C11orf91: variants seen among roughly 807,000 people sequenced by gnomAD.
C11orf91 encodes chromosome 11 open reading frame 91, also known as uncharacterized protein C11orf91.
In C11orf91, 10 loss-of-function variants were observed where a neutral mutation model predicts 14.3. That is an observed-to-expected ratio of 0.70 (90% CI 0.43 to 1.18). C11orf91 has a LOEUF of 1.18. Among genes scored for constraint, C11orf91 ranks in the 50% most tolerant of loss-of-function variants. The pLI, the probability that C11orf91 is intolerant of heterozygous loss-of-function variation, is 0.00. For synonymous variants in C11orf91, 141 were observed against 130.6 expected (o/e 1.08, Z -0.54); for missense variants, 236 against 269.0 (o/e 0.88, Z 0.86).
At chr11:33,702,258 G>C (rs1160579942), upstream of C11orf91, among the ~76,000 whole-genome samples, 1 of 152,158 alleles carries the variant, frequency 6.6e-6, no homozygotes, top group Non-Finnish European at 1.5e-5. Context: ...TTTGAGAACA[G>C]CCAGGGGCAA....
chr11:33,698,774 ATTTTTTTTTTT>A (rs55712821), intron 1 of C11orf91, among the ~76,000 whole-genome samples: 5 of 104,606 alleles, frequency 4.8e-5, no homozygotes, highest in African/African-American at 7.8e-5. Context: ...TCTTCTTCTA[ATTTTTTTTTTT>A]TTTTTTTTTT....
chr11:33,700,364 C>A lies in C11orf91; in HGVS notation c.377G>T (p.Cys126Phe). The A allele has an allele frequency of 6.5e-7, 1 of 1,534,702 alleles. No homozygotes were observed. The highest frequency in any genetic ancestry group is 8.7e-7 in the Non-Finnish European group (1 of 1,146,382). Residue 126 changes from cysteine (C) to phenylalanine (F), a missense_variant, in exon 1 of 2, where the codon TGC becomes TTC. By Grantham distance (205) the Cys-to-Phe change is radical (BLOSUM62 -2). Transcript: ENST00000379011. ...AGAGGCGAGCCTGGGGGTCGAGGGG[C>A]AGGGGACCAGGGGCGAGGCAACCAC... ...PEVVASPLVP[C>F]PSTPRLASAS...
At chr11:33,698,996 T>C (rs187128753) in intron 1 of C11orf91, among the ~76,000 whole-genome samples, 40 of 152,090 alleles carry the variant, frequency 2.6e-4, no homozygotes, top group African/African-American at 9.2e-4. Flanking sequence ...GTCAGGCTGG[T>C]CCTCAATGAT....
In C11orf91 at chr11:33,700,711, G is replaced by A; in HGVS notation, c.30C>T (p.Ser10=). The A allele has an allele frequency of 7.2e-7, 1 of 1,393,588 alleles. No individual in the cohort carries two copies. The allele number at this position is 1,393,588 out of a possible 1,614,324, so 86.3% of individuals were successfully genotyped here. Residue 10 remains serine (S), a synonymous_variant, in exon 1 of 2, where the codon AGC becomes AGT. Coordinates refer to ENST00000379011, the MANE Select transcript of C11orf91 (RefSeq NM_001166692.2). The part of the protein sequence containing the change: MPKGRRGSH[S]PTMSQRSAPP... The stretch of plus-strand genomic sequence containing the variant: ...GAGCCGACCGCTGGCTCATGGTGGG[G>A]CTGTGGCTGCCGCGCCGCCCCTTTG...
At chr11:33,698,734 A>G (rs1853067558) in intron 1 of C11orf91, among the ~76,000 whole-genome samples, 1 of 151,596 alleles carries the variant, frequency 6.6e-6, no homozygotes, top group South Asian at 2.1e-4. Context: ...ATGTGTTTTT[A>G]CAGTCAGAGT....
chr11:33,702,264 G>A (rs1157922033), upstream of C11orf91, among the ~76,000 whole-genome samples: 1 of 152,110 alleles, frequency 6.6e-6, no homozygotes, highest in Non-Finnish European at 1.5e-5. Flanking sequence ...AACAGCCAGG[G>A]GCAACATAGC....
chr11:33,700,358 G>C lies in C11orf91; in HGVS notation c.383C>G (p.Ser128Trp). 2 of 1,535,294 alleles carry C rather than the reference G, an allele frequency of 1.3e-6. No homozygotes were observed. Among genetic ancestry groups the C allele is most frequent in the South Asian group, 1.2e-5 (1 of 84,036 alleles). ...VVASPLVPCPSTPRLASASHP... is the reference protein window; with the variant it reads ...VVASPLVPCPWTPRLASASHP... ...GGAGGCAGAGGCGAGCCTGGGGGTC[G>C]AGGGGCAGGGGACCAGGGGCGAGGC... The change falls in exon 1 of 2, where the codon TCG (serine) becomes TGG (tryptophan). Residue 128 changes from serine (S) to tryptophan (W), a missense_variant. Physicochemically the swap from Ser to Trp is radical, Grantham distance 177. Transcript: ENST00000379011.
At chr11:33,700,110 A>G (rs1019271831) in intron 1 of C11orf91, 135 bp downstream of exon 1, 4 of 903,980 alleles carry the variant, frequency 4.4e-6, no homozygotes, top group African/African-American at 1.7e-5. Flanking sequence ...TCTGGGTGCT[A>G]GGGGATAGAT....
At chr11:33,703,660 G>A (rs1287509998), upstream of C11orf91, 2 of 152,214 alleles carry the variant, frequency 1.3e-5, no homozygotes, top group Non-Finnish European at 2.9e-5. Flanking sequence ...GTGAGGCCAG[G>A]TTAGAAAGTC....
upstream of C11orf91, chr11:33,703,439 A>T (rs1853176241): frequency 6.6e-6 from 1 of 152,320 alleles, no homozygotes. Context: ...TGGGCTCCAA[A>T]GCACTATGTC....
the C11orf91 span, chr11:33,706,384 T>C: frequency 2.0e-5 from 3 of 152,080 alleles, no homozygotes; most frequent in Non-Finnish European, 2.9e-5. Flanking sequence ...TCAGTGGGGG[T>C]AAATGCATTG....
Position 33,700,708 on chromosome 11 carries a change from G to C in C11orf91, c.33C>G (p.Pro11=). The change falls in exon 1 of 2, where the codon CCC becomes CCG. Residue 11 remains proline (P), a synonymous_variant. Transcript: ENST00000379011. MPKGRRGSHS[P]TMSQRSAPPL... is the part of the protein sequence containing the mutation. The stretch of plus-strand genomic sequence containing the variant: ...GCGGAGCCGACCGCTGGCTCATGGT[G>C]GGGCTGTGGCTGCCGCGCCGCCCCT... 5 of 1,409,150 alleles carry C rather than the reference G, an allele frequency of 3.5e-6. No homozygotes were observed. The highest frequency in any genetic ancestry group is 3.1e-5 in the East Asian group (1 of 32,752). The allele number at this position is 1,409,150 out of a possible 1,614,324, so 87.3% of individuals were successfully genotyped here.
At chr11:33,698,608 C>G in intron 1 of C11orf91, 94 bp from the exon 2 acceptor site, 1 of 858,742 alleles carries the variant, frequency 1.2e-6, no homozygotes, top group Non-Finnish European at 1.9e-6. Context: ...TGTGCTTCCT[C>G]GACCCTAAAA....
upstream of C11orf91, among the ~76,000 whole-genome samples, chr11:33,701,166 G>T (rs1853120416): frequency 6.6e-6 from 1 of 152,236 alleles, no homozygotes; most frequent in Non-Finnish European, 1.5e-5. Flanking sequence ...GTATTTCCTA[G>T]AAACCTGGCC....
chr11:33,702,795 C>G (rs969896382), upstream of C11orf91: 13 of 306,972 alleles, frequency 4.2e-5, no homozygotes, highest in Admixed American at 1.8e-4. Flanking sequence ...ATGGTAAGAA[C>G]CAGGGTTTTG....
upstream of C11orf91, among the ~76,000 whole-genome samples, chr11:33,700,964 A>G (rs1424467555): frequency 6.6e-6 from 1 of 152,082 alleles, no homozygotes; most frequent in Non-Finnish European, 1.5e-5. Flanking sequence ...GCAGTTAGAA[A>G]GCCACGCCCC....
chr11:33,700,210 A>C, intron 1 of C11orf91, 35 bp downstream of exon 1: 1 of 1,518,578 alleles, frequency 6.6e-7, no homozygotes, highest in Non-Finnish European at 8.8e-7. Context: ...GGGCAGGCTA[A>C]GGCTGGGCTC....
At position 33,700,513 on chromosome 11, in the gene C11orf91, G is replaced by T; in HGVS notation, c.228C>A (p.Pro76=). Reference sequence around the variant, plus strand: ...AGGGACCCAGGCCGGGTGGTGGCGGGGGCGGGGGCGCCGGGGCGGGGAGCG... The same window carrying T: ...AGGGACCCAGGCCGGGTGGTGGCGGTGGCGGGGGCGCCGGGGCGGGGAGCG... ...SQALPAPAPP[P]PPPPGLGPSS... is the part of the protein sequence containing the mutation. The change falls in exon 1 of 2, where the codon CCC becomes CCA. Residue 76 remains proline, a synonymous_variant. Coordinates refer to ENST00000379011, the MANE Select transcript of C11orf91 (RefSeq NM_001166692.2). 7.4e-7 allele frequency: 1 copy of T among 1,344,766 alleles called. No homozygotes were observed. The allele number at this position is 1,344,766 out of a possible 1,614,324, so 83.3% of individuals were successfully genotyped here. A position where few individuals can be genotyped will look rare whatever the true frequency, so the allele number is the denominator to read the frequency against.
chr11:33,704,547 CAA>C (rs1034108056), upstream of C11orf91: 3 of 152,186 alleles, frequency 2.0e-5, no homozygotes, highest in African/African-American at 7.2e-5. Context: ...TAAACACACA[CAA>C]GAGGCTACTG....
Sources: allele counts gnomAD v4.1 joint callset (sites outside exome capture counted in the v4.1 genomes callset), GRCh38; gene constraint gnomAD v4.1.1; transcripts MANE v1.5; gene names NCBI Gene and HGNC (gene_info 2026-07-23, HGNC 2026-07-21).